The following AMACR variants were observed in gnomAD, a reference collection of about 807,000 sequenced individuals.
AMACR encodes 2-methylacyl-CoA racemase.
A neutral mutation model predicts 22.2 loss-of-function variants in AMACR; 18 were observed. The observed-to-expected ratio is 0.81, with a 90% confidence interval of 0.56 to 1.20. AMACR has a LOEUF of 1.20. Among genes scored for constraint, AMACR ranks in the 50% most tolerant of loss-of-function variants. The pLI is 0.00. For missense variants in AMACR, 499 were observed against 490.6 expected (o/e 1.02, Z -0.16); for synonymous variants, 213 against 191.3 (o/e 1.11, Z -0.94).
rs775927150 is a variant in AMACR at position 34,007,798 on chromosome 5, A to T, written c.222T>A (p.Asp74Glu). 6.4e-7 allele frequency: 1 copy of T among 1,571,012 alleles called. No homozygotes were observed. The highest frequency in any genetic ancestry group is 8.6e-7 in the Non-Finnish European group (1 of 1,163,488). The change falls in exon 1 of 5, where the codon GAT becomes GAA. Residue 74 changes from aspartate (D) to glutamate (E), a missense_variant. Transcript: ENST00000335606. ...CGCGGCGGAAGGGCTCCAGCAGCAC[A>T]TCCGACCGCTTGCACAGACGCCGCA... is the stretch of plus-strand genomic sequence containing the variant. ...AVLRRLCKRS[D>E]VLLEPFRRGV...
intron 3 of AMACR, among the ~76,000 whole-genome samples, chr5:33,999,893 A>C (rs1210418295): frequency 2.0e-5 from 3 of 152,214 alleles, no homozygotes; most frequent in African/African-American, 7.2e-5. Flanking sequence ...TGGATTACAG[A>C]GATATTAGAG....
At chr5:33,990,575 A>G (rs946869049) in intron 4 of AMACR, among the ~76,000 whole-genome samples, 6 of 152,194 alleles carry the variant, frequency 3.9e-5, no homozygotes, top group Non-Finnish European at 8.8e-5. Context: ...TCTTCCCCAT[A>G]TAAGCGGGCT....
intron 4 of AMACR, chr5:33,997,734 T>TC: frequency 1.8e-6 from 1 of 560,824 alleles, no homozygotes; most frequent in Non-Finnish European, 3.2e-6. Flanking sequence ...CTTCTATAGT[T>TC]TTTCCAACTA....
At chr5:34,007,175 C>T (rs949225932) in intron 1 of AMACR, among the ~76,000 whole-genome samples, 1 of 152,244 alleles carries the variant, frequency 6.6e-6, no homozygotes, top group Non-Finnish European at 1.5e-5. Context: ...AGCTGCCTGG[C>T]GGGCAGCCTT....
intron 4 of AMACR, among the ~76,000 whole-genome samples, chr5:33,996,576 A>C (rs1753640819): frequency 6.6e-6 from 1 of 152,196 alleles, no homozygotes; most frequent in African/African-American, 2.4e-5. Flanking sequence ...GCTTGAAGTC[A>C]GGAGTTCAAG....
At chr5:34,003,864 T>C (rs1753891831) in intron 3 of AMACR, among the ~76,000 whole-genome samples, 1 of 152,220 alleles carries the variant, frequency 6.6e-6, no homozygotes, top group Non-Finnish European at 1.5e-5. Context: ...TCCAAATGTC[T>C]GTGAAAATGC....
At position 33,988,484 on chromosome 5, in the gene AMACR, A is replaced by G. The variant is rs368810989; in HGVS notation, c.*609T>C. The G allele has an allele frequency of 6.8e-7, 1 of 1,466,536 alleles. No individual in the cohort carries two copies. The allele number at this position is 1,466,536 out of a possible 1,614,324, so 90.8% of individuals were successfully genotyped here. ...CTGACTGTCCCTCTGGACTCTACGT[A>G]GTGAGCCAACACATTTCCTCATTAT... On this transcript the variant is annotated 3_prime_UTR_variant, in exon 5 of 5. Coordinates refer to ENST00000335606, the MANE Select transcript of AMACR (RefSeq NM_014324.6).
chr5:34,007,860 C>A lies in AMACR; in HGVS notation c.160G>T (p.Val54Leu). 6.3e-7 allele frequency: 1 copy of A among 1,586,004 alleles called. No individual in the cohort carries two copies. The highest frequency in any genetic ancestry group is 8.6e-7 in the Non-Finnish European group (1 of 1,168,812). Reference sequence around the variant, plus strand: ...CCCCGCGGCTGCTTCAGGTCCAGCACTAGCGAGCGCTTGCCCCGGCCCAAG... The same window carrying A: ...CCCCGCGGCTGCTTCAGGTCCAGCAATAGCGAGCGCTTGCCCCGGCCCAAG... Reference protein sequence around the residue: ...SRLGRGKRSLVLDLKQPRGAA... With the variant: ...SRLGRGKRSLLLDLKQPRGAA... The change falls in exon 1 of 5, where the codon GTG becomes TTG. Residue 54 changes from valine (V) to leucine (L), a missense_variant. Transcript: ENST00000335606.
intron 4 of AMACR, among the ~76,000 whole-genome samples, chr5:33,993,756 G>C (rs1160367401): frequency 1.3e-5 from 2 of 151,994 alleles, no homozygotes; most frequent in African/African-American, 4.8e-5. Context: ...AAAATTAGCC[G>C]GGCGTGGTGG....
intron 1 of AMACR, 76 bp downstream of exon 1, chr5:34,007,697 G>A (rs1213045559): frequency 6.8e-7 from 1 of 1,460,780 alleles, no homozygotes; most frequent in Non-Finnish European, 9.0e-7. Context: ...TGTGGCGGGT[G>A]CAGCCTCGAT....
intron 2 of AMACR, 115 bp downstream of exon 2, chr5:34,005,641 G>T: frequency 7.6e-7 from 1 of 1,308,756 alleles, no homozygotes; most frequent in South Asian, 1.4e-5. Context: ...ATGCTCTCTT[G>T]ATTGATTCTG....
Position 34,005,828 on chromosome 5 carries a change from G to A in AMACR, c.319C>T (p.Leu107=). ...RENPRLIYAR[L]SGFGQSGSFC... ...CTTCCTGACTGGCCAAATCCACTCA[G>A]CCTGGCATAAATAAGCCTTGGATTT... Residue 107 remains leucine (L), a synonymous_variant, in exon 2 of 5, where the codon CTG becomes TTG. Coordinates refer to ENST00000335606, the MANE Select transcript of AMACR (RefSeq NM_014324.6). 2 of 1,614,114 alleles carry A rather than the reference G, an allele frequency of 1.2e-6. No individual in the cohort carries two copies. Among genetic ancestry groups the A allele is most frequent in the Non-Finnish European group, 1.7e-6 (2 of 1,180,030 alleles).
chr5:33,990,456 T>C (rs1561037012), intron 4 of AMACR, among the ~76,000 whole-genome samples: 1 of 152,198 alleles, frequency 6.6e-6, no homozygotes, highest in African/African-American at 2.4e-5. Flanking sequence ...GCGTTTCCTT[T>C]ACTGACTATG....
At chr5:33,990,720 A>C (rs1431317167) in intron 4 of AMACR, among the ~76,000 whole-genome samples, 1 of 152,242 alleles carries the variant, frequency 6.6e-6, no homozygotes, top group Non-Finnish European at 1.5e-5. Context: ...CATGTTGACA[A>C]TCAAGGCTAA....
intron 4 of AMACR, among the ~76,000 whole-genome samples, chr5:33,995,918 G>A (rs1384148585): frequency 6.6e-6 from 1 of 152,132 alleles, no homozygotes; most frequent in Non-Finnish European, 1.5e-5. Flanking sequence ...TAGAACTTGT[G>A]CTAATTTCAA....
At position 33,998,757 on chromosome 5, in the gene AMACR, C is replaced by T. The variant is rs975712828; in HGVS notation, c.623G>A (p.Arg208Gln). The change falls in exon 4 of 5, where the codon CGA becomes CAA. Residue 208 changes from arginine to glutamine, a missense_variant. Coordinates refer to ENST00000335606, the MANE Select transcript of AMACR (RefSeq NM_014324.6). ...TCCACCATCCAACATGTTCTGTCCT[C>T]GAGGTGCTTCCCACAGACTCAATTT... ...TQKLSLWEAP[R>Q]GQNMLDGGAP... 35 of 1,613,966 alleles carry T rather than the reference C, an allele frequency of 2.2e-5. No individual in the cohort carries two copies. Among genetic ancestry groups the T allele is most frequent in the Non-Finnish European group, 2.5e-5 (30 of 1,180,008 alleles).
In AMACR at chr5:34,004,702, T is replaced by C; in HGVS notation, c.424A>G (p.Asn142Asp). Residue 142 changes from asparagine to aspartate, a missense_variant, in exon 3 of 5, where the codon AAT becomes GAT. Transcript: ENST00000335606. Reference sequence around the variant, plus strand: ...AGGAGATTCAGCGGGGCATACGGATTCTCACCACTTCTGCCAATTTTTGAG... The same window carrying C: ...AGGAGATTCAGCGGGGCATACGGATCCTCACCACTTCTGCCAATTTTTGAG... ...VLSKIGRSGE[N>D]PYAPLNLLAD... 6.2e-7 allele frequency: 1 copy of C among 1,614,214 alleles called. No homozygotes were observed. Among genetic ancestry groups the C allele is most frequent in the Non-Finnish European group, 8.5e-7 (1 of 1,180,030 alleles).
intron 2 of AMACR, among the ~76,000 whole-genome samples, chr5:34,005,257 C>T (rs768276222): frequency 6.6e-6 from 1 of 152,122 alleles, no homozygotes; most frequent in Non-Finnish European, 1.5e-5. Flanking sequence ...TCTCACATGT[C>T]GTCACAGGCA....
At position 33,988,127 on chromosome 5, in the gene AMACR, T is replaced by G; in HGVS notation, c.*966A>C. The stretch of plus-strand genomic sequence containing the variant: ...TACTCTGATGGCACCCGGATTAGAT[T>G]GTGGAATCTACCCCTTCCTCACATG... On this transcript the variant is annotated 3_prime_UTR_variant, in exon 5 of 5. Coordinates refer to ENST00000335606, the MANE Select transcript of AMACR (RefSeq NM_014324.6). 1 of 556,352 alleles carries G rather than the reference T, an allele frequency of 1.8e-6. No individual in the cohort carries two copies. The highest frequency in any genetic ancestry group is 3.2e-6 in the Non-Finnish European group (1 of 316,150). 34.5% of individuals were successfully genotyped at this position (556,352 alleles called of 1,614,324 possible).
Sources: gnomAD v4.1 joint callset for allele counts (sites outside exome capture counted in the v4.1 genomes callset) on GRCh38, gnomAD v4.1.1 for gene constraint, MANE v1.5 for transcripts, NCBI Gene and HGNC (gene_info 2026-07-23, HGNC 2026-07-21) for gene names.